Variants in SYNE3 observed in about 807,000 individuals in gnomAD.
SYNE3 encodes the protein spectrin repeat containing nuclear envelope family member 3.
A neutral mutation model predicts 111.2 loss-of-function variants in SYNE3; 100 were observed. That is an observed-to-expected ratio of 0.90 (90% confidence interval 0.77 to 1.06). SYNE3 has a LOEUF of 1.06. SYNE3 is among the 50% of genes least tolerant of loss of function. The pLI is 0.00. For synonymous variants in SYNE3, 547 were observed against 533.9 expected, an observed-to-expected ratio of 1.02 and a Z score of -0.34; for missense variants, 1,160 against 1,240.3, an observed-to-expected ratio of 0.94 and a Z score of 0.97.
intron 4 of SYNE3, among the ~76,000 whole-genome samples, chr14:95,461,497 G>A (rs1887814863): frequency 1.3e-5 from 2 of 152,226 alleles, no homozygotes; most frequent in Non-Finnish European, 2.9e-5. Flanking sequence ...CCCTCTAGCA[G>A]GTGGTCACAG....
chr14:95,494,040 G>C lies in SYNE3; in HGVS notation c.-14-18205C>G, dbSNP rs891465128. ...ATTCAAATCTAACACCATTTAGCCAGGTGTGGTGGTGCCTGCCTGCAATCC... is the reference window on the plus strand; with the variant it reads ...ATTCAAATCTAACACCATTTAGCCACGTGTGGTGGTGCCTGCCTGCAATCC... On this transcript the variant is annotated intron_variant, in intron 1 of 17. Transcript: ENST00000682763. Among the ~76,000 whole-genome samples the C allele has an allele frequency of 3.9e-5, 6 of 152,172 alleles. 1 individual carries two copies. Among genetic ancestry groups the C allele is most frequent in the East Asian group, 3.9e-4 (2 of 5,174 alleles).
At chr14:95,511,829 C>A (rs1890732864) in intron 1 of SYNE3, among the ~76,000 whole-genome samples, 1 of 152,100 alleles carries the variant, frequency 6.6e-6, no homozygotes, top group East Asian at 1.9e-4. Flanking sequence ...GCCTTGTGAC[C>A]CAAGACTCTC....
chr14:95,492,192 C>A (rs1454884604), intron 1 of SYNE3, among the ~76,000 whole-genome samples: 3 of 152,194 alleles, frequency 2.0e-5, no homozygotes, highest in Non-Finnish European at 4.4e-5. Context: ...GAAAATGGTG[C>A]AGTGACTTTG....
intron 17 of SYNE3, among the ~76,000 whole-genome samples, chr14:95,420,873 C>A (rs1885077407): frequency 6.6e-6 from 1 of 152,032 alleles, no homozygotes; most frequent in South Asian, 2.1e-4. Context: ...TGTGTCCCCA[C>A]CCAAATCTCA....
rs1444046025 is a variant in SYNE3, at chr14:95,466,184, A to G, written c.374T>C (p.Phe125Ser). ...CATCATCTTCTGGAACCAGCGGTAGAACTCATCTCGGGCCAGCAGGTACTC... is the reference window on the plus strand; with the variant it reads ...CATCATCTTCTGGAACCAGCGGTAGGACTCATCTCGGGCCAGCAGGTACTC... The part of the protein sequence containing the change: ...WSEYLLARDE[F>S]YRWFQKMMVT... Residue 125 changes from phenylalanine to serine, a missense_variant, in exon 4 of 18, where the codon TTC becomes TCC. Transcript: ENST00000682763. The G allele has an allele frequency of 1.9e-6, 3 of 1,597,878 alleles. No individual in the cohort carries two copies. The highest frequency in any genetic ancestry group is 1.7e-6 in the Non-Finnish European group (2 of 1,166,722).
rs995087159 is a variant in SYNE3 at position 95,433,170 on chromosome 14, A to G, written c.2688+90T>C. ...TGTGTGAATGCACAGGGCAGGGTGG[A>G]TGCAGGCTTAGCACTGTATCCCCAG... On this transcript the variant is annotated intron_variant, in intron 16 of 17. Transcript: ENST00000682763. 9.2e-6 allele frequency: 14 copies of G among 1,526,788 alleles called. No individual in the cohort carries two copies. The African/African-American group carries it at 1.9e-4, about 21-fold the overall frequency. The allele number at this position is 1,526,788 out of a possible 1,614,324, so 94.6% of individuals were successfully genotyped here. A position where few individuals can be genotyped will look rare whatever the true frequency, so the allele number is the denominator to read the frequency against.
At chr14:95,422,805 C>A (rs1326160731) in intron 17 of SYNE3, among the ~76,000 whole-genome samples, 1 of 152,236 alleles carries the variant, frequency 6.6e-6, no homozygotes, top group East Asian at 1.9e-4. Context: ...CTGAAGGCCC[C>A]TCTGAGCACT....
At position 95,455,390 on chromosome 14, in the gene SYNE3, C is replaced by T; in HGVS notation, c.1124G>A (p.Trp375Ter). Residue 375 changes from tryptophan (W) to a stop codon, truncating the protein, a stop_gained, in exon 6 of 18, where the codon TGG becomes TAG. Transcript: ENST00000682763. LOFTEE classifies it high-confidence loss of function. ...AAGCACGCTTACCGAGTAGCGTCTC[C>T]AGTGTGCCACCAGCTCGTCCTCGGT... ...AGTEDELVAH[W>*]RRYSATRAAL... is the part of the protein sequence containing the mutation. 6.5e-7 allele frequency: 1 copy of T among 1,543,742 alleles called. No homozygotes were observed. Among genetic ancestry groups the T allele is most frequent in the Non-Finnish European group, 8.7e-7 (1 of 1,145,844 alleles).
At chr14:95,427,959 A>C (rs896322819) in intron 17 of SYNE3, among the ~76,000 whole-genome samples, 1 of 152,218 alleles carries the variant, frequency 6.6e-6, no homozygotes, top group Admixed American at 6.5e-5. Flanking sequence ...GTATTACAGT[A>C]GCTCATTCAA....
At position 95,439,165 on chromosome 14, in the gene SYNE3, G is replaced by C; in HGVS notation, c.2247-3C>G. 1.2e-6 allele frequency: 2 copies of C among 1,614,216 alleles called. No individual in the cohort carries two copies. The highest frequency in any genetic ancestry group is 2.2e-5 in the East Asian group (1 of 44,886). On this transcript the variant is annotated splice_polypyrimidine_tract_variant and splice_region_variant and intron_variant, in intron 13 of 17. Transcript: ENST00000682763. ...GCAGATGCCAGTTTCTGATGAGGCT[G>C]AGAAGACAAACTCAGCCCAGTCAAT... is the stretch of plus-strand genomic sequence containing the variant.
At position 95,460,829 on chromosome 14, in the gene SYNE3, G is replaced by A. The variant is rs113464172; in HGVS notation, c.628-3491C>T. ...AGTAACAGACAGAGGCTGGATGCTG[G>A]GCCCCTGGCCGCGCTGATGGTGATA... On this transcript the variant is annotated intron_variant, in intron 4 of 17. Coordinates refer to ENST00000682763, the MANE Select transcript of SYNE3 (RefSeq NM_152592.6). Among the ~76,000 whole-genome samples, 911 of 152,328 alleles carry A rather than the reference G, an allele frequency of 6.0e-3. 22 individuals carry two copies. The highest frequency in any genetic ancestry group is 0.021 in the African/African-American group (858 of 41,562).
chr14:95,429,307 TA>T (rs948963816), intron 17 of SYNE3, among the ~76,000 whole-genome samples: 2 of 152,332 alleles, frequency 1.3e-5, no homozygotes, highest in African/African-American at 4.8e-5. Flanking sequence ...GACTCGCATT[TA>T]AATTTGGAAG....
chr14:95,509,643 C>T (rs906574125), intron 1 of SYNE3, among the ~76,000 whole-genome samples: 4 of 152,218 alleles, frequency 2.6e-5, no homozygotes, highest in Non-Finnish European at 5.9e-5. Flanking sequence ...AACGAGGCTA[C>T]CCCAGTGCGT....
At chr14:95,429,768 A>G (rs1715094962) in intron 17 of SYNE3, among the ~76,000 whole-genome samples, 1 of 152,156 alleles carries the variant, frequency 6.6e-6, no homozygotes, top group Non-Finnish European at 1.5e-5. Flanking sequence ...CATAGACAAG[A>G]TACACCTCAG....
chr14:95,446,664 A>G (rs932849885), intron 8 of SYNE3, among the ~76,000 whole-genome samples: 1 of 152,182 alleles, frequency 6.6e-6, no homozygotes, highest in African/African-American at 2.4e-5. Context: ...GGCTTCCCAG[A>G]GGAGGTGATA....
At chr14:95,441,605 G>A (rs1424275048) in intron 11 of SYNE3, among the ~76,000 whole-genome samples, 1 of 152,212 alleles carries the variant, frequency 6.6e-6, no homozygotes, top group African/African-American at 2.4e-5. Flanking sequence ...TTCTCGTAAC[G>A]ACTAATCTAG....
Position 95,436,907 on chromosome 14 carries a change from C to T in SYNE3, c.2451G>A (p.Leu817=). The T allele has an allele frequency of 6.2e-7, 1 of 1,614,220 alleles. No individual in the cohort carries two copies. The highest frequency in any genetic ancestry group is 1.1e-5 in the South Asian group (1 of 91,082). The change falls in exon 15 of 18, where the codon TTG becomes TTA. Residue 817 remains leucine, a synonymous_variant. Transcript: ENST00000682763. ...SQLLRNFGQW[L]QVENSKLVRI... ...TAACCAGCTTGGAGTTTTCCACCTG[C>T]AACCACTGCCCAAAGTTCCTCAGGA...
chr14:95,447,330 G>T (rs1170526495), intron 8 of SYNE3, among the ~76,000 whole-genome samples: 1 of 152,038 alleles, frequency 6.6e-6, no homozygotes, highest in Admixed American at 6.6e-5. Flanking sequence ...TAGAGACGGG[G>T]TTTCACTGTG....
intron 8 of SYNE3, 152 bp from the exon 9 acceptor site, chr14:95,446,243 T>C: frequency 1.1e-6 from 1 of 908,806 alleles, no homozygotes; most frequent in Non-Finnish European, 1.6e-6. Context: ...AGAAACAAAA[T>C]GAGCTGGCAG....
Sources: gnomAD v4.1 joint callset for allele counts (sites outside exome capture counted in the v4.1 genomes callset) on GRCh38, gnomAD v4.1.1 for gene constraint, MANE v1.5 for transcripts, NCBI Gene and HGNC (gene_info 2026-07-23, HGNC 2026-07-21) for gene names.